Variants in AGMO observed in about 807,000 individuals in gnomAD.
AGMO encodes alkylglycerol monooxygenase.
AGMO carries 75 observed loss-of-function variants against 60.2 expected under a neutral mutation model. That is an observed-to-expected ratio of 1.25 (90% CI 1.03 to 1.51). The LOEUF is 1.51. Among genes scored for constraint, AGMO ranks in the 40% most tolerant of loss-of-function variants. AGMO has a pLI of 0.00. For missense variants in AGMO, 763 were observed against 525.5 expected (o/e 1.45, Z -4.42); for synonymous variants, 261 against 177.1 (o/e 1.47, Z -3.76).
chr7:15,345,525 T>C (rs1029560099), intron 12 of AGMO, among the ~76,000 whole-genome samples: 2 of 152,214 alleles, frequency 1.3e-5, no homozygotes, highest in Non-Finnish European at 2.9e-5. Context: ...AACATTGACA[T>C]AGCATTTTTC....
intron 10 of AGMO, among the ~76,000 whole-genome samples, chr7:15,367,255 TAA>T (rs35957600): frequency 6.6e-6 from 1 of 151,524 alleles, no homozygotes; most frequent in African/African-American, 2.4e-5. Context: ...GATAATTTTT[TAA>T]AAAAAATTAT....
At chr7:15,227,012 A>G (rs958175278) in intron 12 of AGMO, among the ~76,000 whole-genome samples, 1 of 152,090 alleles carries the variant, frequency 6.6e-6, no homozygotes, top group Non-Finnish European at 1.5e-5. Flanking sequence ...CTGAGTAATT[A>G]CTTGAAAAAT....
intron 3 of AGMO, among the ~76,000 whole-genome samples, chr7:15,483,392 C>T (rs1180335176): frequency 6.8e-6 from 1 of 147,220 alleles, no homozygotes; most frequent in African/African-American, 2.4e-5. Flanking sequence ...CGGTGAAACC[C>T]CGTCTCTACT....
At chr7:15,227,986 G>T (rs1169320252) in intron 12 of AGMO, among the ~76,000 whole-genome samples, 1 of 152,110 alleles carries the variant, frequency 6.6e-6, no homozygotes, top group South Asian at 2.1e-4. Context: ...AATACTGACT[G>T]CCCATGTTGC....
intron 12 of AGMO, among the ~76,000 whole-genome samples, chr7:15,201,891 A>G (rs2115464670): frequency 6.6e-6 from 1 of 152,238 alleles, no homozygotes; most frequent in Admixed American, 6.5e-5. Context: ...TGTAACTGCA[A>G]ATTTCTTTCA....
At chr7:15,220,206 G>GT in intron 12 of AGMO, among the ~76,000 whole-genome samples, 1 of 138,236 alleles carries the variant, frequency 7.2e-6, no homozygotes, top group South Asian at 2.2e-4. Flanking sequence ...ACCTGACTGT[G>GT]CCTTTTTTTT....
At chr7:15,521,206 AGCCTACCAACC>A (rs1260267794) in intron 3 of AGMO, among the ~76,000 whole-genome samples, 1 of 152,200 alleles carries the variant, frequency 6.6e-6, no homozygotes, top group African/African-American at 2.4e-5. Context: ...AGTAATTAAT[AGCCTACCAACC>A]GCAAAAAGGC....
intron 12 of AGMO, among the ~76,000 whole-genome samples, chr7:15,357,077 T>G (rs971841097): frequency 6.6e-6 from 1 of 151,256 alleles, no homozygotes; most frequent in Admixed American, 6.6e-5. Flanking sequence ...TGAGCCAAGA[T>G]TGCACCATTG....
chr7:15,245,774 A>G lies in AGMO; in HGVS notation c.1264-44415T>C, dbSNP rs1197990353. 2.6e-5 allele frequency among the ~76,000 whole-genome samples: 4 copies of G among 152,182 alleles called. No homozygotes were observed. In the South Asian group the frequency reaches 6.2e-4, roughly 24 times the overall value. On this transcript the variant is annotated intron_variant, in intron 12 of 12. Transcript: ENST00000342526. ...TCCTAAGTACAAGTCTAATTTGCCAATCCAGAAATAGCACAAATGCTTGGA... is the reference window on the plus strand; with the variant it reads ...TCCTAAGTACAAGTCTAATTTGCCAGTCCAGAAATAGCACAAATGCTTGGA...
intron 12 of AGMO, among the ~76,000 whole-genome samples, chr7:15,325,339 T>A (rs1467858444): frequency 6.6e-6 from 1 of 152,182 alleles, no homozygotes; most frequent in Non-Finnish European, 1.5e-5. Flanking sequence ...TATTAGCATT[T>A]CTACATTTAA....
intron 12 of AGMO, among the ~76,000 whole-genome samples, chr7:15,362,217 A>C (rs1321655064): frequency 6.6e-6 from 1 of 152,196 alleles, no homozygotes; most frequent in Non-Finnish European, 1.5e-5. Flanking sequence ...ACAAATATGA[A>C]GAAAACACAG....
At chr7:15,424,592 T>C (rs139040013) in intron 4 of AGMO, among the ~76,000 whole-genome samples, 16 of 152,346 alleles carry the variant, frequency 1.1e-4, no homozygotes, top group Non-Finnish European at 2.4e-4. Context: ...TACAGAATAA[T>C]TAATTCCATT....
intron 12 of AGMO, among the ~76,000 whole-genome samples, chr7:15,342,654 C>G (rs890847986): frequency 6.6e-6 from 1 of 151,448 alleles, no homozygotes; most frequent in Non-Finnish European, 1.5e-5. Flanking sequence ...TGATTTTGCG[C>G]GCGTGTGTGT....
At chr7:15,129,057 A>T in the AGMO span, among the ~76,000 whole-genome samples, 22 of 152,198 alleles carry the variant, frequency 1.4e-4, no homozygotes, top group East Asian at 4.3e-3. Context: ...CTATGTGATT[A>T]GTTGGGAAGC....
chr7:15,165,795 C>A, the AGMO span, among the ~76,000 whole-genome samples: 3 of 151,990 alleles, frequency 2.0e-5, no homozygotes, highest in Non-Finnish European at 2.9e-5. Flanking sequence ...AAATGAGAAT[C>A]TATAAAAATA....
chr7:15,370,579 C>G (rs572347957), intron 10 of AGMO, among the ~76,000 whole-genome samples: 7 of 152,070 alleles, frequency 4.6e-5, no homozygotes, highest in African/African-American at 1.7e-4. Flanking sequence ...TAACAATAGC[C>G]ATTCTTACTG....
chr7:15,523,781 C>T (rs1319418992), intron 3 of AGMO, among the ~76,000 whole-genome samples: 2 of 151,938 alleles, frequency 1.3e-5, no homozygotes, highest in Non-Finnish European at 2.9e-5. Flanking sequence ...ACATGTATAC[C>T]TATGTGACAC....
downstream of AGMO, among the ~76,000 whole-genome samples, chr7:15,197,047 TTTG>T (rs753850200): frequency 1.2e-4 from 18 of 152,018 alleles, no homozygotes; most frequent in South Asian, 4.1e-4. Flanking sequence ...TAGAACGTTT[TTTG>T]TTGTTGTTTT....
chr7:15,176,096 A>G, the AGMO span, among the ~76,000 whole-genome samples: 1 of 152,056 alleles, frequency 6.6e-6, no homozygotes, highest in African/African-American at 2.4e-5. Flanking sequence ...TGCTATCATT[A>G]CACTAGTCTA....
Sources: allele counts gnomAD v4.1 joint callset (sites outside exome capture counted in the v4.1 genomes callset), GRCh38; gene constraint gnomAD v4.1.1; transcripts MANE v1.5; gene names NCBI Gene and HGNC (gene_info 2026-07-23, HGNC 2026-07-21).